The following PSMD14 variants were observed in gnomAD, a reference collection of about 807,000 sequenced individuals.
PSMD14 encodes the protein proteasome 26S subunit, non-ATPase 14.
In PSMD14, 7 loss-of-function variants were observed where a neutral mutation model predicts 41.2. The ratio of observed to expected loss-of-function variants is 0.17; its 90% CI spans 0.10 to 0.32. PSMD14 has a LOEUF of 0.32. PSMD14 is among the 10% of genes least tolerant of loss of function. PSMD14 has a pLI of 1.00. For missense variants in PSMD14, 139 were observed against 375.6 expected (o/e 0.37, Z 5.21); for synonymous variants, 114 against 122.3 (o/e 0.93, Z 0.45).
At chr2:161,329,732 A>G (rs1682757690) in intron 3 of PSMD14, among the ~76,000 whole-genome samples, 1 of 152,172 alleles carries the variant, frequency 6.6e-6, no homozygotes, top group Non-Finnish European at 1.5e-5. Flanking sequence ...TTGTGAGGTT[A>G]TAATTTTATT....
chr2:161,378,131 AAG>A (rs1259829455), intron 7 of PSMD14, among the ~76,000 whole-genome samples: 1 of 151,980 alleles, frequency 6.6e-6, no homozygotes, highest in Non-Finnish European at 1.5e-5. Context: ...TAATTTTCTA[AAG>A]AGGGTAAAAA....
intron 3 of PSMD14, among the ~76,000 whole-genome samples, chr2:161,357,099 C>T (rs1574128348): frequency 1.3e-5 from 1 of 79,614 alleles, no homozygotes; most frequent in African/African-American, 5.8e-5. Flanking sequence ...AGCACTTAGT[C>T]AACAAGGGCT....
At chr2:161,325,181 C>G (rs1682675510) in intron 3 of PSMD14, among the ~76,000 whole-genome samples, 2 of 152,062 alleles carry the variant, frequency 1.3e-5, no homozygotes, top group Admixed American at 1.3e-4. Flanking sequence ...CACTTTGTAT[C>G]TCTGGTACAG....
At chr2:161,343,492 T>G (rs1682996649) in intron 3 of PSMD14, among the ~76,000 whole-genome samples, 1 of 152,232 alleles carries the variant, frequency 6.6e-6, no homozygotes, top group Non-Finnish European at 1.5e-5. Flanking sequence ...TTTCACCTTT[T>G]GGCTATTGTG....
intron 10 of PSMD14, chr2:161,407,544 C>G (rs576876703): frequency 6.6e-6 from 1 of 152,238 alleles, no homozygotes; most frequent in South Asian, 2.1e-4. Flanking sequence ...CACTTGCCAT[C>G]TTTGCTCATT....
chr2:161,347,144 T>C (rs115591556), intron 3 of PSMD14, among the ~76,000 whole-genome samples: 7 of 152,292 alleles, frequency 4.6e-5, no homozygotes, highest in African/African-American at 1.7e-4. Flanking sequence ...GCTCACCTCA[T>C]TTGTTTCCCA....
intron 5 of PSMD14, 75 bp from the exon 6 acceptor site, chr2:161,370,032 C>T: frequency 8.8e-7 from 1 of 1,139,324 alleles, no homozygotes; most frequent in South Asian, 1.6e-5. Flanking sequence ...TTTTGGCAAC[C>T]CCAAATAATA....
At chr2:161,322,114 A>G (rs1682616610) in intron 3 of PSMD14, among the ~76,000 whole-genome samples, 1 of 152,194 alleles carries the variant, frequency 6.6e-6, no homozygotes, top group African/African-American at 2.4e-5. Context: ...CAGTGTTAGC[A>G]TAACAAAAGA....
intron 3 of PSMD14, among the ~76,000 whole-genome samples, chr2:161,337,591 A>C (rs1003777081): frequency 3.9e-5 from 6 of 152,208 alleles, no homozygotes; most frequent in Non-Finnish European, 7.4e-5. Flanking sequence ...GATTGTTAAT[A>C]GGCATTGCTA....
chr2:161,353,722 C>G (rs1441093796), intron 3 of PSMD14, among the ~76,000 whole-genome samples: 3 of 152,178 alleles, frequency 2.0e-5, no homozygotes, highest in Non-Finnish European at 4.4e-5. Context: ...TCTCTTTCTT[C>G]CCTGCCTTCT....
rs3769965 is a variant in PSMD14 at position 161,332,139 on chromosome 2, G to A, written c.48+13266G>A. Among the ~76,000 whole-genome samples, 75 of 152,266 alleles carry A rather than the reference G, an allele frequency of 4.9e-4. 1 individual carries two copies. The East Asian group carries it at 0.014, about 28-fold the overall frequency. ...ATTTTTGGGAAATTAAAATATTTAGGAGGGATTTTCTTTATCCTGACATGT... is the reference window on the plus strand; with the variant it reads ...ATTTTTGGGAAATTAAAATATTTAGAAGGGATTTTCTTTATCCTGACATGT... On this transcript the variant is annotated intron_variant, in intron 3 of 11. Transcript: ENST00000409682.
intron 3 of PSMD14, among the ~76,000 whole-genome samples, chr2:161,363,946 C>G (rs1434748563): frequency 6.6e-6 from 1 of 152,150 alleles, no homozygotes; most frequent in African/African-American, 2.4e-5. Flanking sequence ...TCAATTAGAC[C>G]CCCTGCCTTA....
intron 3 of PSMD14, among the ~76,000 whole-genome samples, chr2:161,349,139 G>T (rs1367761038): frequency 6.6e-6 from 1 of 152,166 alleles, no homozygotes; most frequent in Non-Finnish European, 1.5e-5. Context: ...TTTTGCTATT[G>T]AAAGTAATGG....
At chr2:161,408,734 T>C in intron 10 of PSMD14, 103 bp from the exon 11 acceptor site, 1 of 787,694 alleles carries the variant, frequency 1.3e-6, no homozygotes, top group East Asian at 2.8e-5. Context: ...GAATAAAAGT[T>C]GTATGAATGA....
At position 161,403,955 on chromosome 2, in the gene PSMD14, G is replaced by A. The variant is rs559987589; in HGVS notation, c.772-4882G>A. Reference sequence around the variant, plus strand: ...CCAGGTCTTGCTCTGTTGCCTAGGCGGGCTGCATGATACTATCATAGCTCA... The same window carrying A: ...CCAGGTCTTGCTCTGTTGCCTAGGCAGGCTGCATGATACTATCATAGCTCA... On this transcript the variant is annotated intron_variant, in intron 10 of 11. Coordinates refer to ENST00000409682, the MANE Select transcript of PSMD14 (RefSeq NM_005805.6). 2.7e-4 allele frequency among the ~76,000 whole-genome samples: 41 copies of A among 151,420 alleles called. 2 individuals are homozygous for A. The South Asian group carries it at 7.4e-3, about 27-fold the overall frequency.
intron 3 of PSMD14, among the ~76,000 whole-genome samples, chr2:161,360,241 G>A (rs1325558873): frequency 6.7e-6 from 1 of 149,606 alleles, no homozygotes; most frequent in Non-Finnish European, 1.5e-5. Context: ...CCAGACTGGA[G>A]TGCAGTGGCG....
At chr2:161,340,333 C>T (rs1441853850) in intron 3 of PSMD14, among the ~76,000 whole-genome samples, 1 of 152,164 alleles carries the variant, frequency 6.6e-6, no homozygotes, top group African/African-American at 2.4e-5. Flanking sequence ...GGTCGGCTGA[C>T]CACCCTGACG....
intron 3 of PSMD14, among the ~76,000 whole-genome samples, chr2:161,349,065 G>T (rs1038078994): frequency 6.6e-6 from 1 of 152,146 alleles, no homozygotes; most frequent in Non-Finnish European, 1.5e-5. Flanking sequence ...CTAGGTAAAT[G>T]ACCCTTTTGC....
At chr2:161,332,819 A>G (rs1682814119) in intron 3 of PSMD14, among the ~76,000 whole-genome samples, 1 of 152,226 alleles carries the variant, frequency 6.6e-6, no homozygotes, top group Non-Finnish European at 1.5e-5. Context: ...CCAGAGTGCT[A>G]ACAGCTTCTT....
Sources: gnomAD v4.1 joint callset for allele counts (sites outside exome capture counted in the v4.1 genomes callset) on GRCh38, gnomAD v4.1.1 for gene constraint, MANE v1.5 for transcripts, NCBI Gene and HGNC (gene_info 2026-07-23, HGNC 2026-07-21) for gene names.